The following INPP5A variants were observed in gnomAD, a reference collection of about 807,000 sequenced individuals.
INPP5A encodes inositol polyphosphate-5-phosphatase A.
Under a neutral mutation model 65.2 loss-of-function variants are expected in INPP5A, and 14 were observed. The ratio of observed to expected loss-of-function variants is 0.21; its 90% CI spans 0.14 to 0.34. The LOEUF (loss-of-function observed/expected upper bound fraction) is 0.34. Ranked by LOEUF, INPP5A falls within the 10% of genes least tolerant of loss-of-function variation. The pLI, the probability that INPP5A is intolerant of heterozygous loss-of-function variation, is 1.00. For synonymous variants in INPP5A, 207 were observed against 208.3 expected, an observed-to-expected ratio of 0.99 and a Z score of 0.05; for missense variants, 431 against 545.6, an observed-to-expected ratio of 0.79 and a Z score of 2.09.
intron 4 of INPP5A, among the ~76,000 whole-genome samples, chr10:132,670,995 G>T (rs2072883059): frequency 6.6e-6 from 1 of 152,028 alleles, no homozygotes; most frequent in Admixed American, 6.6e-5. Flanking sequence ...TTATAACAGG[G>T]CCATTAGTGG....
rs1280839530 is a variant in INPP5A at position 132,706,841 on chromosome 10, G to A, written c.475-1472G>A. Among the ~76,000 whole-genome samples, 1 of 152,206 alleles carries A rather than the reference G, an allele frequency of 6.6e-6. No homozygotes were observed. The highest frequency in any genetic ancestry group is 1.5e-5 in the Non-Finnish European group (1 of 68,028). ...TGCTGGATGGGGACCAGGAGAAGGA[G>A]ACAGGGCTGCAGGAGCCACTGTGCT... is the stretch of plus-strand genomic sequence containing the variant. On this transcript the variant is annotated intron_variant, in intron 6 of 15. Transcript: ENST00000368594. The surrounding 1 kb of genome is among the most constrained non-coding windows in gnomAD (Gnocchi z 4.7).
At chr10:132,660,043 C>T (rs565034276) in intron 4 of INPP5A, among the ~76,000 whole-genome samples, 62 of 152,302 alleles carry the variant, frequency 4.1e-4, no homozygotes, top group African/African-American at 1.3e-3. Context: ...CGCGCTCCGC[C>T]GACGCGTGGC....
chr10:132,540,049 C>T (rs958164093), intron 1 of INPP5A, among the ~76,000 whole-genome samples: 5 of 152,126 alleles, frequency 3.3e-5, no homozygotes, highest in African/African-American at 1.2e-4. Flanking sequence ...GTATATTTGG[C>T]GTTCTATTCT....
chr10:132,588,820 A>G (rs777611330), intron 1 of INPP5A, among the ~76,000 whole-genome samples: 158 of 151,752 alleles, frequency 1.0e-3, no homozygotes, highest in Non-Finnish European at 1.9e-3. Context: ...GTATGTCGCC[A>G]TCAGTGGTCA....
At chr10:132,613,192 G>A (rs1047233005) in intron 2 of INPP5A, among the ~76,000 whole-genome samples, 1 of 152,226 alleles carries the variant, frequency 6.6e-6, no homozygotes, top group African/African-American at 2.4e-5. Flanking sequence ...GGTGCTGGAA[G>A]TGAGTTCTGA....
rs532105491 is a variant in INPP5A, at chr10:132,606,496, G to A, written c.76-1419G>A. 9.2e-5 allele frequency among the ~76,000 whole-genome samples: 14 copies of A among 152,378 alleles called. No individual in the cohort carries two copies. In the East Asian group the frequency reaches 2.1e-3, roughly 23 times the overall value. On this transcript the variant is annotated intron_variant, in intron 1 of 15. Transcript: ENST00000368594. ...TCGCGTGTGTGTGTGCTGGGGTTGT[G>A]TGTCCTTGAAGCCTGGAGCCAGGGT...
At chr10:132,779,646 ACAGCCC>A (rs1380652312) in intron 13 of INPP5A, among the ~76,000 whole-genome samples, 2 of 152,170 alleles carry the variant, frequency 1.3e-5, no homozygotes, top group Admixed American at 1.3e-4. Flanking sequence ...GCGGCCTTTG[ACAGCCC>A]CTGCCTTCTG....
Position 132,545,675 on chromosome 10 carries a change from C to T in INPP5A, c.75+7504C>T, listed in dbSNP as rs1052497159. Among the ~76,000 whole-genome samples, 5 of 152,188 alleles carry T rather than the reference C, an allele frequency of 3.3e-5. No homozygotes were observed. The highest frequency in any genetic ancestry group is 9.6e-5 in the African/African-American group (4 of 41,454). On this transcript the variant is annotated intron_variant, in intron 1 of 15. Coordinates refer to ENST00000368594, the MANE Select transcript of INPP5A (RefSeq NM_005539.5). This position sits in a 1 kb window ranked among gnomAD's most constrained non-coding sequence, Gnocchi z 4.6. ...CTGTCAAGTTCCCCCTTCCTTTGCT[C>T]GGTTTCATTAATTGGGATACTTGGG... is the stretch of plus-strand genomic sequence containing the variant.
intron 14 of INPP5A, 119 bp from the exon 15 acceptor site, chr10:132,781,742 A>T (rs1793316916): frequency 2.4e-6 from 2 of 828,766 alleles, no homozygotes; most frequent in Admixed American, 1.9e-5. Flanking sequence ...AGCTCCTCCC[A>T]GCCCGGTTCA....
chr10:132,776,757 G>A (rs532281319), intron 12 of INPP5A, among the ~76,000 whole-genome samples: 4 of 152,272 alleles, frequency 2.6e-5, no homozygotes, highest in East Asian at 1.9e-4. Flanking sequence ...TGGGTGGGTC[G>A]GGCCCCCTGA....
At chr10:132,745,730 G>A (rs908444557) in intron 9 of INPP5A, among the ~76,000 whole-genome samples, 51 of 151,034 alleles carry the variant, frequency 3.4e-4, no homozygotes, top group African/African-American at 1.2e-3. Flanking sequence ...TGGGCTTCGG[G>A]CGTGGTGGGC....
chr10:132,542,762 G>A (rs1247752533), intron 1 of INPP5A, among the ~76,000 whole-genome samples: 1 of 152,212 alleles, frequency 6.6e-6, no homozygotes, highest in African/African-American at 2.4e-5. Context: ...TGGCTGTGCT[G>A]GGACAGAATT....
intron 4 of INPP5A, among the ~76,000 whole-genome samples, chr10:132,686,630 A>G (rs1289313812): frequency 6.6e-6 from 1 of 152,230 alleles, no homozygotes; most frequent in Non-Finnish European, 1.5e-5. Flanking sequence ...GGATTTTCTG[A>G]CTATGAATTG....
At chr10:132,728,147 C>G (rs1190319556) in intron 9 of INPP5A, among the ~76,000 whole-genome samples, 2 of 152,228 alleles carry the variant, frequency 1.3e-5, no homozygotes, top group African/African-American at 2.4e-5. Flanking sequence ...GTGGCATTGC[C>G]TAAACGTTCA....
At chr10:132,749,893 C>CGCCCCCAG in intron 11 of INPP5A, 48 bp downstream of exon 11, 1 of 1,498,280 alleles carries the variant, frequency 6.7e-7, no homozygotes, top group Non-Finnish European at 9.3e-7. Context: ...GGGACATCCA[C>CGCCCCCAG]GCCCCCAGGC....
intron 1 of INPP5A, among the ~76,000 whole-genome samples, chr10:132,589,276 A>C (rs1034557516): frequency 7.2e-5 from 11 of 152,214 alleles, no homozygotes; most frequent in Non-Finnish European, 1.5e-4. Flanking sequence ...CACACCCTGC[A>C]GGGCCACGTG....
intron 3 of INPP5A, among the ~76,000 whole-genome samples, chr10:132,646,366 G>A (rs758861011): frequency 3.9e-5 from 6 of 152,254 alleles, no homozygotes; most frequent in East Asian, 1.9e-4. Context: ...CCTTGGGGGC[G>A]AAATCTCCAT....
At position 132,551,033 on chromosome 10, in the gene INPP5A, A is replaced by G. The variant is rs1481754076; in HGVS notation, c.75+12862A>G. ...GGCTGCACTGTGGTCCATTTGGGCCAGTGGCTTCAGTAGCCACACGCTGCT... is the reference window on the plus strand; with the variant it reads ...GGCTGCACTGTGGTCCATTTGGGCCGGTGGCTTCAGTAGCCACACGCTGCT... On this transcript the variant is annotated intron_variant, in intron 1 of 15. Coordinates refer to ENST00000368594, the MANE Select transcript of INPP5A (RefSeq NM_005539.5). This position sits in a 1 kb window ranked among gnomAD's most constrained non-coding sequence, Gnocchi z 5.3. Among the ~76,000 whole-genome samples the G allele has an allele frequency of 1.3e-5, 2 of 152,222 alleles. No homozygotes were observed. Among genetic ancestry groups the G allele is most frequent in the African/African-American group, 4.8e-5 (2 of 41,460 alleles).
At chr10:132,629,287 C>G (rs1208690656) in intron 2 of INPP5A, among the ~76,000 whole-genome samples, 1 of 152,222 alleles carries the variant, frequency 6.6e-6, no homozygotes, top group East Asian at 1.9e-4. Flanking sequence ...AACACAGACT[C>G]CACGTGAGGG....
Sources: allele counts gnomAD v4.1 joint callset (sites outside exome capture counted in the v4.1 genomes callset), GRCh38; gene constraint gnomAD v4.1.1; non-coding constraint Gnocchi (gnomAD v3.1); transcripts MANE v1.5; gene names NCBI Gene and HGNC (gene_info 2026-07-23, HGNC 2026-07-21).